Variants in ASTN2 observed in about 807,000 individuals in gnomAD.
ASTN2 encodes astrotactin 2.
ASTN2 carries 54 observed loss-of-function variants against 139.8 expected under a neutral mutation model. The ratio of observed to expected loss-of-function variants is 0.39; its 90% CI spans 0.31 to 0.48. The LOEUF is 0.48. Among genes scored for constraint, ASTN2 ranks in the 20% least tolerant of loss-of-function variants. The pLI is 0.95. For synonymous variants in ASTN2, 756 were observed against 719.5 expected, an observed-to-expected ratio of 1.05 and a Z score of -0.81; for missense variants, 1,565 against 1,725.1, an observed-to-expected ratio of 0.91 and a Z score of 1.64.
chr9:117,143,033 T>C (rs1830110902), intron 3 of ASTN2, among the ~76,000 whole-genome samples: 2 of 152,226 alleles, frequency 1.3e-5, no homozygotes, highest in Non-Finnish European at 2.9e-5. Context: ...GCTCCTGTTT[T>C]CTCAGGGAAG....
intron 16 of ASTN2, among the ~76,000 whole-genome samples, chr9:116,667,536 T>C (rs145134076): frequency 4.6e-5 from 7 of 152,154 alleles, no homozygotes; most frequent in Non-Finnish European, 7.3e-5. Context: ...GATGAATACA[T>C]AGAGATTTAT....
intron 16 of ASTN2, among the ~76,000 whole-genome samples, chr9:116,668,274 C>T (rs1387922496): frequency 1.3e-5 from 2 of 151,692 alleles, no homozygotes; most frequent in African/African-American, 4.8e-5. Flanking sequence ...TCACCGCAAC[C>T]TCCGCCCCCC....
chr9:117,210,343 C>T (rs577147209), intron 3 of ASTN2, among the ~76,000 whole-genome samples: 86 of 151,686 alleles, frequency 5.7e-4, no homozygotes, highest in Non-Finnish European at 9.4e-4. Context: ...TAAATAAAAT[C>T]GGAAATGAAA....
At chr9:116,736,210 A>G (rs1433411482) in intron 13 of ASTN2, among the ~76,000 whole-genome samples, 1 of 152,232 alleles carries the variant, frequency 6.6e-6, no homozygotes, top group Non-Finnish European at 1.5e-5. Context: ...CCAGAATTCT[A>G]TGAGGTTTAA....
intron 19 of ASTN2, 91 bp from the exon 20 acceptor site, chr9:116,487,591 T>A: frequency 7.9e-7 from 1 of 1,269,874 alleles, no homozygotes; most frequent in Non-Finnish European, 1.1e-6. Flanking sequence ...AATGTCTTGA[T>A]ACCATTATCA....
intron 2 of ASTN2, among the ~76,000 whole-genome samples, chr9:117,254,477 A>G (rs961002471): frequency 2.0e-4 from 30 of 152,164 alleles, no homozygotes; most frequent in African/African-American, 6.0e-4. Flanking sequence ...GCACCTCTGA[A>G]GGGTGAGACC....
chr9:116,982,509 CA>C, intron 7 of ASTN2, among the ~76,000 whole-genome samples: 1 of 151,882 alleles, frequency 6.6e-6, no homozygotes, highest in Non-Finnish European at 1.5e-5. Flanking sequence ...GTGCCCTTTG[CA>C]AAACCCAAAA....
At chr9:117,140,437 G>A (rs1830046293) in intron 4 of ASTN2, among the ~76,000 whole-genome samples, 1 of 151,996 alleles carries the variant, frequency 6.6e-6, no homozygotes, top group Admixed American at 6.5e-5. Flanking sequence ...TACTCAGCTA[G>A]AGACTACTGA....
intron 19 of ASTN2, among the ~76,000 whole-genome samples, chr9:116,592,060 A>G (rs1334839576): frequency 6.6e-6 from 1 of 152,162 alleles, no homozygotes; most frequent in Non-Finnish European, 1.5e-5. Context: ...ATGGCATAGT[A>G]TTTGCATATA....
intron 19 of ASTN2, among the ~76,000 whole-genome samples, chr9:116,562,638 G>GA (rs1437679847): frequency 2.0e-5 from 3 of 146,982 alleles, no homozygotes; most frequent in African/African-American, 5.0e-5. Context: ...GGCTGAGGCA[G>GA]AAAAATTGCT....
chr9:116,604,137 T>C (rs986374543), intron 19 of ASTN2, among the ~76,000 whole-genome samples: 1 of 152,176 alleles, frequency 6.6e-6, no homozygotes, highest in Non-Finnish European at 1.5e-5. Flanking sequence ...GCAGGAATTA[T>C]GCCTGTCCTG....
chr9:117,042,036 T>C (rs142339755), intron 5 of ASTN2, among the ~76,000 whole-genome samples: 4 of 152,254 alleles, frequency 2.6e-5, no homozygotes, highest in South Asian at 2.1e-4. Context: ...TCCCAGTAAA[T>C]AGCACAGTGA....
chr9:117,036,976 C>T (rs1482018587), intron 6 of ASTN2, among the ~76,000 whole-genome samples: 3 of 152,040 alleles, frequency 2.0e-5, no homozygotes, highest in Non-Finnish European at 4.4e-5. Flanking sequence ...CCTTAGTTTT[C>T]CTTGATTCAG....
chr9:117,306,829 T>A (rs1194419099), intron 1 of ASTN2, among the ~76,000 whole-genome samples: 4 of 152,154 alleles, frequency 2.6e-5, no homozygotes, highest in African/African-American at 9.7e-5. Context: ...GACTCAGGGC[T>A]GTAACTCTTT....
chr9:117,005,342 C>T lies in ASTN2; in HGVS notation c.1591+2750G>A, dbSNP rs528283926. 2.4e-4 allele frequency among the ~76,000 whole-genome samples: 37 copies of T among 151,992 alleles called. 1 individual carries two copies. In the South Asian group the frequency reaches 3.8e-3, roughly 15 times the overall value. On this transcript the variant is annotated intron_variant, in intron 7 of 22. Transcript: ENST00000313400. ...GACCTAGTGATCCACCTGTCTTGGC[C>T]TCCCAAAGTGCTGGGATTACAGGCG...
intron 13 of ASTN2, among the ~76,000 whole-genome samples, chr9:116,797,524 T>C (rs1045375483): frequency 3.9e-5 from 6 of 152,176 alleles, no homozygotes; most frequent in Admixed American, 3.9e-4. Context: ...CAATGGTCCC[T>C]CAAAGAAGGC....
Position 116,512,152 on chromosome 9 carries a change from C to G in ASTN2, c.3356-24652G>C, listed in dbSNP as rs570536355. Among the ~76,000 whole-genome samples, 7 of 152,198 alleles carry G rather than the reference C, an allele frequency of 4.6e-5. No individual in the cohort carries two copies. In the East Asian group the frequency reaches 7.7e-4, roughly 17 times the overall value. ...CTTGTGGGCATTTAGTGCTATAAAT[C>G]TCCCTCACACACTGCTTTAAATGTG... On this transcript the variant is annotated intron_variant, in intron 19 of 22. Coordinates refer to ENST00000313400, the MANE Select transcript of ASTN2 (RefSeq NM_001365068.1).
rs1464876071 is a variant in ASTN2, at chr9:116,425,699, G to A, written c.*152C>T. The A allele has an allele frequency of 6.2e-7, 1 of 1,607,620 alleles. No individual in the cohort carries two copies. The highest frequency in any genetic ancestry group is 8.5e-7 in the Non-Finnish European group (1 of 1,177,736). The stretch of plus-strand genomic sequence containing the variant: ...CAAAGGTCTCTGTCCACTATCCACA[G>A]GAGAAACCGTTTGCTTTGGCCTTGC... On this transcript the variant is annotated 3_prime_UTR_variant, in exon 23 of 23. Coordinates refer to ENST00000313400, the MANE Select transcript of ASTN2 (RefSeq NM_001365068.1).
intron 20 of ASTN2, among the ~76,000 whole-genome samples, chr9:116,474,895 T>C (rs978761747): frequency 6.6e-6 from 1 of 152,164 alleles, no homozygotes; most frequent in Non-Finnish European, 1.5e-5. Context: ...ACTAACTGGG[T>C]ACTTTGTTCC....
Sources: gnomAD v4.1 joint callset for allele counts (sites outside exome capture counted in the v4.1 genomes callset) on GRCh38, gnomAD v4.1.1 for gene constraint, MANE v1.5 for transcripts, NCBI Gene and HGNC (gene_info 2026-07-23, HGNC 2026-07-21) for gene names.